DENND1A: variants seen among roughly 807,000 people sequenced by gnomAD.
The protein encoded by DENND1A is DENN domain containing 1A.
A neutral mutation model predicts 113.7 loss-of-function variants in DENND1A; 51 were observed. That is an observed-to-expected ratio of 0.45 (90% CI 0.36 to 0.57). The LOEUF (loss-of-function observed/expected upper bound fraction) is 0.57, where lower values mean the gene tolerates loss of function less well. DENND1A is among the 20% of genes least tolerant of loss of function. The probability of loss-of-function intolerance (pLI) is 0.00; values close to 1 mark genes in which losing one functional copy is unlikely to be tolerated. For synonymous variants in DENND1A, 565 were observed against 570.8 expected, an observed-to-expected ratio of 0.99 and a Z score of 0.14; for missense variants, 1,258 against 1,395.9, an observed-to-expected ratio of 0.90 and a Z score of 1.57.
intron 9 of DENND1A, among the ~76,000 whole-genome samples, chr9:123,645,053 A>T (rs1451358762): frequency 6.6e-6 from 1 of 152,240 alleles, no homozygotes; most frequent in Non-Finnish European, 1.5e-5. Flanking sequence ...TTCCCTATTT[A>T]TCATTTATAA....
At chr9:123,701,316 T>C (rs993725340) in intron 5 of DENND1A, among the ~76,000 whole-genome samples, 2 of 152,200 alleles carry the variant, frequency 1.3e-5, no homozygotes, top group African/African-American at 2.4e-5. Context: ...TGCCTGGTTA[T>C]AGCACAATAA....
chr9:123,558,600 C>T (rs2057559617), intron 12 of DENND1A, among the ~76,000 whole-genome samples: 1 of 152,108 alleles, frequency 6.6e-6, no homozygotes, highest in African/African-American at 2.4e-5. Flanking sequence ...CTCCACAGGT[C>T]CACGTACTAC....
rs879321275 is a variant in DENND1A, at chr9:123,905,419, A to G, written c.17+24470T>C. Among the ~76,000 whole-genome samples the G allele has an allele frequency of 7.5e-3, 1,113 of 147,774 alleles. 4 individuals are homozygous for G. The highest frequency in any genetic ancestry group is 0.011 in the Admixed American group (167 of 14,954). On this transcript the variant is annotated intron_variant, in intron 1 of 23. Coordinates refer to ENST00000394215, the MANE Select transcript of DENND1A (RefSeq NM_001352964.2). ...TAAAAGACACAGACTGGCAAATTGGATAAAGAGTCAAGACCCATCAGTGTG... is the reference window on the plus strand; with the variant it reads ...TAAAAGACACAGACTGGCAAATTGGGTAAAGAGTCAAGACCCATCAGTGTG...
intron 2 of DENND1A, among the ~76,000 whole-genome samples, chr9:123,874,906 T>G (rs608099): frequency 0.086 from 13,114 of 152,212 alleles, 951 homozygotes; most frequent in African/African-American, 0.2. Flanking sequence ...TATGGAAATG[T>G]ATGTTTACAT....
chr9:123,733,144 G>A (rs1022540979), intron 5 of DENND1A, among the ~76,000 whole-genome samples: 2 of 152,058 alleles, frequency 1.3e-5, no homozygotes, highest in East Asian at 1.9e-4. Context: ...ACCACACTCG[G>A]CTAATTTTGT....
intron 3 of DENND1A, among the ~76,000 whole-genome samples, chr9:123,781,147 A>C (rs1166686355): frequency 6.6e-6 from 1 of 152,176 alleles, no homozygotes; most frequent in East Asian, 1.9e-4. Context: ...CCTCACTTCC[A>C]ACTTGCAGGA....
At chr9:123,473,835 C>T (rs1436138227) in intron 13 of DENND1A, among the ~76,000 whole-genome samples, 1 of 152,094 alleles carries the variant, frequency 6.6e-6, no homozygotes, top group Non-Finnish European at 1.5e-5. Flanking sequence ...CTAAGAGATC[C>T]AGGCCTTGGA....
intron 13 of DENND1A, among the ~76,000 whole-genome samples, chr9:123,466,063 C>T (rs1248251470): frequency 2.0e-5 from 3 of 152,102 alleles, no homozygotes; most frequent in East Asian, 1.9e-4. Flanking sequence ...TGCAGTGGCG[C>T]GATCTCGGCT....
chr9:123,457,649 C>A, intron 14 of DENND1A, 144 bp downstream of exon 14: 1 of 825,062 alleles, frequency 1.2e-6, no homozygotes. Flanking sequence ...TGACTGCTCT[C>A]TTCATCCAAT....
In DENND1A at chr9:123,649,451, T is replaced by C. The variant is rs190307101; in HGVS notation, c.618+2562A>G. ...GGTTATACAAGTGTCGCAGGAAAAG[T>C]TGGGTTTCATTTCCTCTTGTTCTAG... On this transcript the variant is annotated intron_variant, in intron 9 of 23. Transcript: ENST00000394215. 2.1e-4 allele frequency among the ~76,000 whole-genome samples: 32 copies of C among 152,240 alleles called. No homozygotes were observed. The South Asian group carries it at 5.6e-3, about 27-fold the overall frequency.
chr9:123,514,065 G>GGTGTGTGTGTGTGTGTGTGT (rs775882728), intron 13 of DENND1A, among the ~76,000 whole-genome samples: 14 of 109,300 alleles, frequency 1.3e-4, no homozygotes, highest in Admixed American at 6.0e-4. Flanking sequence ...TCTATTTTGA[G>GGTGTGTGTGTGTGTGTGTGT]GTGTGTGTGT....
intron 19 of DENND1A, chr9:123,437,710 G>A (rs1028183901): frequency 6.6e-5 from 10 of 152,074 alleles, no homozygotes; most frequent in African/African-American, 2.4e-4. Flanking sequence ...TTCCAAGCTG[G>A]TGAAGTGGCC....
chr9:123,409,688 G>C (rs546692267), intron 20 of DENND1A, among the ~76,000 whole-genome samples: 1 of 152,152 alleles, frequency 6.6e-6, no homozygotes, highest in African/African-American at 2.4e-5. Flanking sequence ...GGCGCAGCTG[G>C]GATGAGGTAC....
At chr9:123,702,910 T>C (rs2065965705) in intron 5 of DENND1A, among the ~76,000 whole-genome samples, 1 of 152,228 alleles carries the variant, frequency 6.6e-6, no homozygotes, top group African/African-American at 2.4e-5. Flanking sequence ...TCTAATGCCA[T>C]AATGGTGGTA....
chr9:123,483,517 G>A (rs1202811528), intron 13 of DENND1A, among the ~76,000 whole-genome samples: 1 of 152,256 alleles, frequency 6.6e-6, no homozygotes, highest in African/African-American at 2.4e-5. Flanking sequence ...GGCTTCCCAG[G>A]CCTAGCACTT....
intron 13 of DENND1A, among the ~76,000 whole-genome samples, chr9:123,549,106 G>T (rs62579196): frequency 0.022 from 3,321 of 152,162 alleles, 71 homozygotes; most frequent in Non-Finnish European, 0.033. Context: ...TAAAGCATGG[G>T]CTCTTTAGAC....
At chr9:123,870,803 G>T (rs1846477352) in intron 2 of DENND1A, among the ~76,000 whole-genome samples, 1 of 152,012 alleles carries the variant, frequency 6.6e-6, no homozygotes, top group African/African-American at 2.4e-5. Flanking sequence ...ACCTCTTTGA[G>T]TCTCAGTTTC....
chr9:123,397,508 A>G (rs1388312270), intron 21 of DENND1A, among the ~76,000 whole-genome samples: 1 of 152,226 alleles, frequency 6.6e-6, no homozygotes, highest in African/African-American at 2.4e-5. Flanking sequence ...CCTGGAAAGG[A>G]TCTAAAGATC....
At chr9:123,705,897 C>T (rs1352361175) in intron 5 of DENND1A, among the ~76,000 whole-genome samples, 1 of 152,094 alleles carries the variant, frequency 6.6e-6, no homozygotes. Flanking sequence ...GATATTAAGA[C>T]CATAGTAATT....
Sources: allele counts gnomAD v4.1 joint callset (sites outside exome capture counted in the v4.1 genomes callset), GRCh38; gene constraint gnomAD v4.1.1; transcripts MANE v1.5; gene names NCBI Gene and HGNC (gene_info 2026-07-23, HGNC 2026-07-21).